Variants in PRAG1 observed in about 807,000 individuals in gnomAD.
The protein encoded by PRAG1 is inactive tyrosine-protein kinase PRAG1.
In PRAG1, 110 loss-of-function variants were observed where a neutral mutation model predicts 95.6. That is an observed-to-expected ratio of 1.15 (90% CI 0.99 to 1.35). The LOEUF (loss-of-function observed/expected upper bound fraction) is 1.35, where lower values mean the gene tolerates loss of function less well. Among genes scored for constraint, PRAG1 ranks in the 40% most tolerant of loss-of-function variants. PRAG1 has a pLI of 0.00. For synonymous variants in PRAG1, 1,052 were observed against 819.4 expected (o/e 1.28, Z -4.85); for missense variants, 2,554 against 1,864.7 (o/e 1.37, Z -6.81).
intron 3 of PRAG1, among the ~76,000 whole-genome samples, chr8:8,367,268 G>A (rs906877842): frequency 2.0e-5 from 3 of 151,696 alleles, no homozygotes; most frequent in African/African-American, 7.3e-5. Context: ...AGACCAGTCT[G>A]GCCAACATGG....
chr8:8,318,240 G>A lies in PRAG1; in HGVS notation c.4135C>T (p.Leu1379=). The A allele has an allele frequency of 6.2e-7, 1 of 1,614,184 alleles. No individual in the cohort carries two copies. The highest frequency in any genetic ancestry group is 8.5e-7 in the Non-Finnish European group (1 of 1,180,004). ...KAVDRRRGVE[L]EDWLCCQYLA... is the part of the protein sequence containing the mutation. ...TACTGGCAGCAAAGCCAGTCCTCCAGCTCCACGCCCCGCCTGCGATCCACC... is the reference window on the plus strand; with the variant it reads ...TACTGGCAGCAAAGCCAGTCCTCCAACTCCACGCCCCGCCTGCGATCCACC... Residue 1379 remains leucine (L), a synonymous_variant, in exon 6 of 6, where the codon CTG becomes TTG. Coordinates refer to ENST00000615670, the MANE Select transcript of PRAG1 (RefSeq NM_001080826.3). This position sits in a 1 kb window ranked among gnomAD's most constrained non-coding sequence, Gnocchi z 4.2.
chr8:8,339,773 T>G (rs1281187170), intron 3 of PRAG1, 138 bp from the exon 4 acceptor site: 2 of 792,700 alleles, frequency 2.5e-6, no homozygotes, highest in Non-Finnish European at 3.8e-6. Flanking sequence ...AAAAAAGATT[T>G]TGGGGAGACA....
At chr8:8,352,852 C>T (rs1159699820) in intron 3 of PRAG1, among the ~76,000 whole-genome samples, 1 of 151,944 alleles carries the variant, frequency 6.6e-6, no homozygotes, top group African/African-American at 2.4e-5. Flanking sequence ...CATACATAAG[C>T]TGAAGGTGAA....
intron 3 of PRAG1, among the ~76,000 whole-genome samples, chr8:8,341,227 C>G (rs1019877811): frequency 6.6e-6 from 1 of 152,054 alleles, no homozygotes; most frequent in African/African-American, 2.4e-5. Flanking sequence ...ACAGAGCTGG[C>G]ACAGCTTCCC....
intron 3 of PRAG1, among the ~76,000 whole-genome samples, chr8:8,369,190 C>CTTTT (rs201548316): frequency 1.3e-4 from 18 of 141,648 alleles, no homozygotes; most frequent in African/African-American, 4.6e-4. Context: ...CTCTGGCTTG[C>CTTTT]TTTTTTTTTT....
At chr8:8,320,513 C>T (rs1798439630) in intron 5 of PRAG1, among the ~76,000 whole-genome samples, 1 of 152,308 alleles carries the variant, frequency 6.6e-6, no homozygotes, top group East Asian at 1.9e-4. Flanking sequence ...CGTAATGGCC[C>T]TCTGTCAGGC....
At position 8,376,383 on chromosome 8, in the gene PRAG1, G is replaced by A. The variant is rs754009056; in HGVS notation, c.2026C>T (p.Pro676Ser). The change falls in exon 3 of 6, where the codon CCC becomes TCC. Residue 676 changes from proline to serine, a missense_variant. By Grantham distance (74) the Pro-to-Ser change is moderately conservative. Transcript: ENST00000615670. ...TTCTGCCCAGAGGAGCCATCTGTGG[G>A]GTGGAGACGGTGCCAGGTCGTGGAG... ...SNSTTWHRLHPTDGSSGQNSK... is the reference protein window; with the variant it reads ...SNSTTWHRLHSTDGSSGQNSK... 17 of 1,614,028 alleles carry A rather than the reference G, an allele frequency of 1.1e-5. 2 individuals are homozygous for A. In the South Asian group the frequency reaches 1.9e-4, roughly 18 times the overall value.
intron 5 of PRAG1, 99 bp from the exon 6 acceptor site, chr8:8,319,401 C>A: frequency 2.1e-6 from 2 of 973,444 alleles, no homozygotes; most frequent in East Asian, 2.7e-5. Flanking sequence ...ATAAGCCTAT[C>A]CACATAGGCT....
chr8:8,366,054 C>G (rs1585263511), intron 3 of PRAG1, among the ~76,000 whole-genome samples: 2 of 151,948 alleles, frequency 1.3e-5, no homozygotes, highest in African/African-American at 2.4e-5. Context: ...AGGATAGAAA[C>G]AGTAAATTGA....
chr8:8,372,713 C>CA (rs1800250544), intron 3 of PRAG1, among the ~76,000 whole-genome samples: 1 of 152,188 alleles, frequency 6.6e-6, no homozygotes, highest in Non-Finnish European at 1.5e-5. Context: ...GACAATATCT[C>CA]AAAAAGACAG....
chr8:8,383,455 C>T (rs1324268570), intron 1 of PRAG1, among the ~76,000 whole-genome samples: 1 of 151,956 alleles, frequency 6.6e-6, no homozygotes, highest in Admixed American at 6.6e-5. Flanking sequence ...GCCATGCATG[C>T]CTGTGGTCCC....
At chr8:8,380,036 T>C (rs1392451786) in intron 2 of PRAG1, among the ~76,000 whole-genome samples, 8 of 151,304 alleles carry the variant, frequency 5.3e-5, no homozygotes, top group Admixed American at 2.6e-4. Flanking sequence ...AGCCTAGGAG[T>C]TTGAGACCAG....
At chr8:8,339,864 A>C (rs1406245223) in intron 3 of PRAG1, among the ~76,000 whole-genome samples, 5 of 152,214 alleles carry the variant, frequency 3.3e-5, no homozygotes, top group Admixed American at 2.0e-4. Context: ...GAGTCTATTA[A>C]ATTTAAACAA....
intron 4 of PRAG1, among the ~76,000 whole-genome samples, chr8:8,337,975 T>C (rs578124415): frequency 6.6e-6 from 1 of 152,332 alleles, no homozygotes; most frequent in South Asian, 2.1e-4. Flanking sequence ...GCCATCCCTG[T>C]GGCTTTGTTT....
intron 4 of PRAG1, among the ~76,000 whole-genome samples, chr8:8,329,986 A>G (rs2979210): frequency 0.22 from 33,067 of 152,116 alleles, 4,059 homozygotes; most frequent in African/African-American, 0.33. Context: ...GAACCAATGG[A>G]TTCATGCAAA....
rs1799071591 is a variant in PRAG1, at chr8:8,338,743, G to C, written c.2320+735C>G. Among the ~76,000 whole-genome samples the C allele has an allele frequency of 2.0e-5, 3 of 152,284 alleles. No individual in the cohort carries two copies. The South Asian group carries it at 6.2e-4, about 32-fold the overall frequency. Reference sequence around the variant, plus strand: ...CCTCTACTGTGTCATTGCCTATTGAGAAGAAATATTTCCATAGGACTGAAA... The same window carrying C: ...CCTCTACTGTGTCATTGCCTATTGACAAGAAATATTTCCATAGGACTGAAA... On this transcript the variant is annotated intron_variant, in intron 4 of 5. Coordinates refer to ENST00000615670, the MANE Select transcript of PRAG1 (RefSeq NM_001080826.3).
chr8:8,379,831 T>C (rs569952104), intron 2 of PRAG1, among the ~76,000 whole-genome samples: 6 of 152,338 alleles, frequency 3.9e-5, no homozygotes, highest in African/African-American at 1.4e-4. Context: ...GTCTAGCCTC[T>C]AGGTTGTAAC....
At position 8,381,827 on chromosome 8, in the gene PRAG1, G is replaced by C; in HGVS notation, c.-80C>G. 1 of 1,206,414 alleles carries C rather than the reference G, an allele frequency of 8.3e-7. No homozygotes were observed. Among genetic ancestry groups the C allele is most frequent in the East Asian group, 2.6e-5 (1 of 38,902 alleles). 74.7% of individuals were successfully genotyped at this position (1,206,414 alleles called of 1,614,324 possible). ...GTGGGATTCAGAGGTGGGTCACAGA[G>C]CGGCTTCCTAGAAAGGCAGGACAGT... On this transcript the variant is annotated 5_prime_UTR_variant, in exon 2 of 6. Transcript: ENST00000615670.
intron 3 of PRAG1, among the ~76,000 whole-genome samples, chr8:8,344,604 A>G (rs112403252): frequency 6.6e-6 from 1 of 152,196 alleles, no homozygotes; most frequent in African/African-American, 2.4e-5. Context: ...AAATGTTAAT[A>G]TTTGAAAAAT....
Sources: gnomAD v4.1 joint callset for allele counts (sites outside exome capture counted in the v4.1 genomes callset) on GRCh38, gnomAD v4.1.1 for gene constraint, Gnocchi (gnomAD v3.1) non-coding constraint, MANE v1.5 for transcripts, NCBI Gene and HGNC (gene_info 2026-07-23, HGNC 2026-07-21) for gene names.